ZNF407: variants seen among roughly 807,000 people sequenced by gnomAD.
ZNF407 encodes the protein zinc finger protein 407.
In ZNF407, 17 loss-of-function variants were observed where a neutral mutation model predicts 131.2. The ratio of observed to expected loss-of-function variants is 0.13; its 90% confidence interval spans 0.09 to 0.19. The LOEUF is 0.19. ZNF407 is among the 10% of genes least tolerant of loss of function. The probability of loss-of-function intolerance (pLI) is 1.00; values close to 1 mark genes in which losing one functional copy is unlikely to be tolerated. For synonymous variants in ZNF407, 1,156 were observed against 1,062.0 expected, an observed-to-expected ratio of 1.09 and a Z score of -1.72; for missense variants, 2,681 against 2,830.6, an observed-to-expected ratio of 0.95 and a Z score of 1.20.
intron 8 of ZNF407, among the ~76,000 whole-genome samples, chr18:74,977,847 T>C (rs1028769484): frequency 3.9e-5 from 6 of 152,230 alleles, no homozygotes; most frequent in Non-Finnish European, 8.8e-5. Flanking sequence ...CTGTGGTTGC[T>C]AGGATTTGGG....
intron 3 of ZNF407, among the ~76,000 whole-genome samples, chr18:74,664,953 G>A (rs988049766): frequency 5.9e-5 from 9 of 152,156 alleles, no homozygotes; most frequent in East Asian, 1.9e-4. Flanking sequence ...GCTTGAGTTC[G>A]GGTTCTGCCA....
At chr18:74,906,769 CTGTGTATATATTTTATA>C (rs199698502) in intron 7 of ZNF407, among the ~76,000 whole-genome samples, 2,942 of 152,054 alleles carry the variant, frequency 0.019, 54 homozygotes, top group Middle Eastern at 0.037. Context: ...CACAGATACT[CTGTGTATATATTTTATA>C]TGTGTATATA....
At chr18:74,884,628 A>G (rs1971283154) in intron 6 of ZNF407, among the ~76,000 whole-genome samples, 3 of 152,206 alleles carry the variant, frequency 2.0e-5, no homozygotes, top group African/African-American at 7.2e-5. Context: ...ATATGAAAGA[A>G]CCATTTATAA....
Position 74,606,994 on chromosome 18 carries a change from G to A in ZNF407, c.-54+9057G>A, listed in dbSNP as rs573704265. ...ACCGTAGGGTTATCACCTTTTAGAG[G>A]GAATGAGGATTGTGGCAACCCTATT... is the stretch of plus-strand genomic sequence containing the variant. On this transcript the variant is annotated intron_variant, in intron 1 of 8. Transcript: ENST00000299687. Among the ~76,000 whole-genome samples, 3 of 152,154 alleles carry A rather than the reference G, an allele frequency of 2.0e-5. No homozygotes were observed. The South Asian group carries it at 6.2e-4, about 32-fold the overall frequency.
intron 8 of ZNF407, among the ~76,000 whole-genome samples, chr18:74,997,521 A>G (rs1020404175): frequency 5.3e-5 from 8 of 152,236 alleles, no homozygotes; most frequent in Middle Eastern, 6.8e-3. Flanking sequence ...AAAAGACTAA[A>G]TGTGCATGTT....
intron 4 of ZNF407, among the ~76,000 whole-genome samples, chr18:74,798,974 A>T (rs12959554): frequency 0.13 from 20,191 of 152,070 alleles, 2,355 homozygotes; most frequent in African/African-American, 0.31. Context: ...TTTGTCTTAT[A>T]TTTTTAAATG....
At chr18:74,815,901 C>T (rs1175954052) in intron 4 of ZNF407, among the ~76,000 whole-genome samples, 2 of 152,126 alleles carry the variant, frequency 1.3e-5, no homozygotes, top group African/African-American at 2.4e-5. Flanking sequence ...GCTCCACAAA[C>T]AAAACAAAGC....
In ZNF407 at chr18:74,657,659, G is replaced by A. The variant is rs574769481; in HGVS notation, c.4802+16537G>A. ...CTGGCTGTAAAGTGTTCACCTCCAC[G>A]TTGGTTCCTGGCTTTCTTTCCTCGG... On this transcript the variant is annotated intron_variant, in intron 3 of 8. Transcript: ENST00000299687. Among the ~76,000 whole-genome samples, 270 of 152,270 alleles carry A rather than the reference G, an allele frequency of 1.8e-3. 1 individual carries two copies. The highest frequency in any genetic ancestry group is 6.1e-3 in the African/African-American group (255 of 41,554).
chr18:74,663,552 C>T (rs1426229810), intron 3 of ZNF407, among the ~76,000 whole-genome samples: 1 of 152,140 alleles, frequency 6.6e-6, no homozygotes, highest in East Asian at 1.9e-4. Context: ...CTCGACACCA[C>T]ATATTACGTG....
Position 75,063,026 on chromosome 18 carries a change from C to A in ZNF407, c.5429-124C>A, listed in dbSNP as rs1973656376. On this transcript the variant is annotated intron_variant, in intron 8 of 8. Coordinates refer to ENST00000299687, the MANE Select transcript of ZNF407 (RefSeq NM_017757.3). This position sits in a 1 kb window ranked among gnomAD's most constrained non-coding sequence, Gnocchi z 6.6. ...GAAGCTTGCACTGTAGAGAGCTCTT[C>A]AGGGTTTGGAATAGGGGGTCGTGGT... The A allele has an allele frequency of 6.7e-6, 6 of 892,938 alleles. No individual in the cohort carries two copies. The Admixed American group carries it at 1.6e-4, about 24-fold the overall frequency. 55.3% of individuals were successfully genotyped at this position (892,938 alleles called of 1,614,324 possible). A position where few individuals can be genotyped will look rare whatever the true frequency, so the allele number is the denominator to read the frequency against.
At chr18:74,669,019 C>T (rs1280413081) in intron 3 of ZNF407, among the ~76,000 whole-genome samples, 1 of 152,126 alleles carries the variant, frequency 6.6e-6, no homozygotes, top group East Asian at 1.9e-4. Flanking sequence ...GTTCCCTCTA[C>T]CCAGGCACAC....
chr18:74,734,912 T>C (rs1347425524), intron 3 of ZNF407, among the ~76,000 whole-genome samples: 3 of 152,146 alleles, frequency 2.0e-5, no homozygotes, highest in Admixed American at 2.0e-4. Flanking sequence ...AATGATCTCT[T>C]TATTTTCTGT....
chr18:74,833,960 T>A (rs1970521031), intron 4 of ZNF407, among the ~76,000 whole-genome samples: 1 of 152,216 alleles, frequency 6.6e-6, no homozygotes, highest in South Asian at 2.1e-4. Context: ...AGCAAAGGAT[T>A]GTGTAGCTGC....
chr18:74,881,432 G>A (rs904593395), intron 6 of ZNF407, among the ~76,000 whole-genome samples: 5 of 152,080 alleles, frequency 3.3e-5, no homozygotes, highest in African/African-American at 1.2e-4. Context: ...GCAAATCTCT[G>A]CCTTAGGCCT....
chr18:74,998,348 C>T (rs575204338), intron 8 of ZNF407, among the ~76,000 whole-genome samples: 2 of 152,308 alleles, frequency 1.3e-5, no homozygotes, highest in South Asian at 4.2e-4. Context: ...CCCAGGCTGT[C>T]TGTCAGCTCT....
intron 6 of ZNF407, among the ~76,000 whole-genome samples, chr18:74,886,293 C>G (rs966822601): frequency 2.0e-5 from 3 of 152,084 alleles, no homozygotes; most frequent in East Asian, 1.9e-4. Context: ...GCAAGTCATA[C>G]GTAGCTGGTA....
intron 4 of ZNF407, among the ~76,000 whole-genome samples, chr18:74,834,799 C>G (rs140634936): frequency 1.6e-3 from 246 of 152,308 alleles, no homozygotes; most frequent in Middle Eastern, 0.014. Flanking sequence ...GGTTGATTAG[C>G]TTGCTGGGCT....
intron 8 of ZNF407, among the ~76,000 whole-genome samples, chr18:74,968,961 C>T (rs557466350): frequency 4.6e-5 from 7 of 152,220 alleles, no homozygotes; most frequent in African/African-American, 9.6e-5. Context: ...TTGTTCCAGC[C>T]GGCTTTTTCT....
chr18:74,598,999 T>C (rs1982450666), intron 1 of ZNF407, among the ~76,000 whole-genome samples: 1 of 152,240 alleles, frequency 6.6e-6, no homozygotes. Flanking sequence ...AGTCTATGCC[T>C]GGTGACATCC....
Sources: gnomAD v4.1 joint callset for allele counts (sites outside exome capture counted in the v4.1 genomes callset) on GRCh38, gnomAD v4.1.1 for gene constraint, Gnocchi (gnomAD v3.1) non-coding constraint, MANE v1.5 for transcripts, NCBI Gene and HGNC (gene_info 2026-07-23, HGNC 2026-07-21) for gene names.